ATP6V1H: variants seen among roughly 807,000 people sequenced by gnomAD.
ATP6V1H encodes V-type proton ATPase subunit H.
In ATP6V1H, 39 loss-of-function variants were observed where a neutral mutation model predicts 71.7. The observed-to-expected ratio is 0.54, with a 90% confidence interval of 0.42 to 0.71. ATP6V1H has a LOEUF of 0.71. ATP6V1H is among the 30% of genes least tolerant of loss of function. The pLI is 0.00. For missense variants in ATP6V1H, 509 were observed against 594.9 expected, an observed-to-expected ratio of 0.86 and a Z score of 1.50; for synonymous variants, 192 against 199.3, an observed-to-expected ratio of 0.96 and a Z score of 0.31.
intron 9 of ATP6V1H, among the ~76,000 whole-genome samples, chr8:53,784,021 G>C (rs1385387930): frequency 6.6e-6 from 1 of 152,234 alleles, no homozygotes; most frequent in Non-Finnish European, 1.5e-5. Context: ...ATATTCCGTT[G>C]ATTTGGGGTA....
At chr8:53,744,725 AG>A (rs1472068388) in intron 12 of ATP6V1H, among the ~76,000 whole-genome samples, 4 of 152,114 alleles carry the variant, frequency 2.6e-5, no homozygotes, top group East Asian at 1.9e-4. Flanking sequence ...CACTGAACTG[AG>A]GGGAAAAAAA....
chr8:53,804,593 G>A (rs1810018962), intron 7 of ATP6V1H, among the ~76,000 whole-genome samples: 1 of 152,172 alleles, frequency 6.6e-6, no homozygotes, highest in South Asian at 2.1e-4. Flanking sequence ...AAAATCGCTT[G>A]AACCCAGGAG....
chr8:53,767,542 A>G (rs1321722608), intron 11 of ATP6V1H, among the ~76,000 whole-genome samples: 3 of 152,202 alleles, frequency 2.0e-5, no homozygotes, highest in African/African-American at 4.8e-5. Flanking sequence ...TAAAAAGAAA[A>G]AAGGTATAAG....
chr8:53,751,807 CT>C (rs1452240616), intron 12 of ATP6V1H, among the ~76,000 whole-genome samples: 1 of 151,904 alleles, frequency 6.6e-6, no homozygotes, highest in Non-Finnish European at 1.5e-5. Context: ...GTAGCTGGGA[CT>C]ACAGGCTCAT....
At chr8:53,786,195 G>T (rs1445285295) in intron 9 of ATP6V1H, among the ~76,000 whole-genome samples, 1 of 152,220 alleles carries the variant, frequency 6.6e-6, no homozygotes, top group Non-Finnish European at 1.5e-5. Flanking sequence ...CCCAGTTCAA[G>T]CTTCCAGGCC....
At chr8:53,796,575 G>C (rs1330905387) in intron 8 of ATP6V1H, among the ~76,000 whole-genome samples, 1 of 151,306 alleles carries the variant, frequency 6.6e-6, no homozygotes, top group African/African-American at 2.4e-5. Context: ...TTGGAGCAGA[G>C]CCTACCATTT....
At chr8:53,744,391 A>G (rs112136336) in intron 12 of ATP6V1H, among the ~76,000 whole-genome samples, 12 of 152,112 alleles carry the variant, frequency 7.9e-5, no homozygotes, top group Non-Finnish European at 1.0e-4. Context: ...CTATTTCTTC[A>G]TGCATAGAAA....
intron 12 of ATP6V1H, among the ~76,000 whole-genome samples, chr8:53,751,731 G>A (rs1032389871): frequency 2.6e-5 from 4 of 151,116 alleles, no homozygotes; most frequent in East Asian, 1.9e-4. Flanking sequence ...GTACAGTCGC[G>A]CAGCCTAGGC....
chr8:53,734,555 A>G (rs1807130960), intron 13 of ATP6V1H, among the ~76,000 whole-genome samples: 1 of 152,184 alleles, frequency 6.6e-6, no homozygotes, highest in Non-Finnish European at 1.5e-5. Flanking sequence ...TTAACCCTCC[A>G]AGTACATGGG....
chr8:53,811,445 T>C (rs1404963036), intron 6 of ATP6V1H, among the ~76,000 whole-genome samples: 3 of 152,178 alleles, frequency 2.0e-5, no homozygotes, highest in African/African-American at 7.2e-5. Flanking sequence ...TAGCTAAAAA[T>C]GGAACAATAA....
At chr8:53,749,726 T>C (rs2130217497) in intron 12 of ATP6V1H, among the ~76,000 whole-genome samples, 1 of 150,562 alleles carries the variant, frequency 6.6e-6, no homozygotes, top group East Asian at 2.0e-4. Flanking sequence ...AAAGGTGGTT[T>C]AGATGCCAGA....
intron 4 of ATP6V1H, among the ~76,000 whole-genome samples, chr8:53,819,540 A>G (rs1159138995): frequency 9.3e-6 from 1 of 107,340 alleles, no homozygotes; most frequent in Non-Finnish European, 1.9e-5. Context: ...TCAAAAAAAA[A>G]AAAAAGCATA....
chr8:53,764,511 G>T (rs1808381844), intron 11 of ATP6V1H, among the ~76,000 whole-genome samples: 1 of 151,342 alleles, frequency 6.6e-6, no homozygotes, highest in South Asian at 2.1e-4. Context: ...GGAATAGAGG[G>T]AAACATTCTC....
At chr8:53,750,955 T>C (rs1163949166) in intron 12 of ATP6V1H, among the ~76,000 whole-genome samples, 1 of 152,164 alleles carries the variant, frequency 6.6e-6, no homozygotes. Flanking sequence ...CTCTAAGTGT[T>C]TTACATTATT....
At chr8:53,825,568 C>A (rs1044344238) in intron 4 of ATP6V1H, among the ~76,000 whole-genome samples, 1 of 151,688 alleles carries the variant, frequency 6.6e-6, no homozygotes, top group Non-Finnish European at 1.5e-5. Flanking sequence ...CACAGGCATT[C>A]CAGAAGCAAA....
chr8:53,813,165 T>C (rs1810339552), intron 6 of ATP6V1H, among the ~76,000 whole-genome samples: 1 of 152,230 alleles, frequency 6.6e-6, no homozygotes, highest in Admixed American at 6.5e-5. Context: ...GTTTTTGAAA[T>C]ATCTCACAAA....
chr8:53,781,667 GTTT>G lies in ATP6V1H; in HGVS notation c.871-9503_871-9501del, dbSNP rs558944779. ...TAGGTTTTCTTCTAGGGTTTTTATG[GTTT>G]TAGGTCTAACATTTAAGTCTTTAAT... On this transcript the variant is annotated intron_variant, in intron 9 of 13. Coordinates refer to ENST00000359530, the MANE Select transcript of ATP6V1H (RefSeq NM_015941.4). 3.5e-3 allele frequency among the ~76,000 whole-genome samples: 532 copies of G among 152,074 alleles called. 3 individuals carry two copies. Among genetic ancestry groups the G allele is most frequent in the African/African-American group, 0.012 (490 of 41,472 alleles).
intron 13 of ATP6V1H, among the ~76,000 whole-genome samples, chr8:53,722,036 T>G (rs561389539): frequency 6.6e-6 from 1 of 152,202 alleles, no homozygotes; most frequent in Non-Finnish European, 1.5e-5. Context: ...TAAAAGCAAT[T>G]TATGTAAAAT....
intron 11 of ATP6V1H, among the ~76,000 whole-genome samples, chr8:53,759,755 C>A (rs568522723): frequency 6.6e-6 from 1 of 152,290 alleles, no homozygotes; most frequent in Admixed American, 6.5e-5. Context: ...TCTTATATTT[C>A]AGAATATTTT....
Sources: gnomAD v4.1 joint callset for allele counts (sites outside exome capture counted in the v4.1 genomes callset) on GRCh38, gnomAD v4.1.1 for gene constraint, MANE v1.5 for transcripts, NCBI Gene and HGNC (gene_info 2026-07-23, HGNC 2026-07-21) for gene names.